The following ADARB1 variants were observed in gnomAD, a reference collection of about 807,000 sequenced individuals.
ADARB1 encodes the protein adenosine deaminase RNA specific B1, also known as double-stranded RNA-specific editase 1.
ADARB1 carries 10 observed loss-of-function variants against 52.4 expected under a neutral mutation model. The observed-to-expected ratio is 0.19, with a 90% CI of 0.12 to 0.32. The LOEUF (loss-of-function observed/expected upper bound fraction) is 0.32, where lower values mean the gene tolerates loss of function less well. Among genes scored for constraint, ADARB1 ranks in the 10% least tolerant of loss-of-function variants. The probability of loss-of-function intolerance (pLI) is 1.00; values close to 1 mark genes in which losing one functional copy is unlikely to be tolerated. For missense variants in ADARB1, 643 were observed against 922.3 expected, an observed-to-expected ratio of 0.70 and a Z score of 3.92; for synonymous variants, 349 against 371.1, an observed-to-expected ratio of 0.94 and a Z score of 0.68.
intron 1 of ADARB1, among the ~76,000 whole-genome samples, chr21:45,091,780 TG>T (rs1056506826): frequency 3.3e-5 from 5 of 152,166 alleles, no homozygotes; most frequent in African/African-American, 1.2e-4. Flanking sequence ...GGGGTTTCCC[TG>T]TAGGAGGAGG....
chr21:45,179,397 A>G (rs1387306763), intron 4 of ADARB1, among the ~76,000 whole-genome samples: 1 of 152,244 alleles, frequency 6.6e-6, no homozygotes, highest in East Asian at 1.9e-4. Context: ...GGGTTTTCCT[A>G]GTAGTCATTT....
chr21:45,212,431 A>T (rs1602018906), intron 9 of ADARB1, among the ~76,000 whole-genome samples: 1 of 152,080 alleles, frequency 6.6e-6, no homozygotes, highest in African/African-American at 2.4e-5. Flanking sequence ...AAGATGGATG[A>T]CCTCAGTTCC....
chr21:45,208,349 C>T lies in ADARB1; in HGVS notation c.1747+3613C>T, dbSNP rs79507936. ...TTTCATGTTGAATGTTGGCACGAAA[C>T]GTTAACAAACAAGGCTACATGATGG... On this transcript the variant is annotated intron_variant, in intron 9 of 10. Transcript: ENST00000348831. The surrounding 1 kb of genome is among the most constrained non-coding windows in gnomAD (Gnocchi z 5.6). Among the ~76,000 whole-genome samples the T allele has an allele frequency of 1.2e-3, 178 of 152,262 alleles. 1 individual carries two copies. In the East Asian group the frequency reaches 0.03, roughly 26 times the overall value.
At chr21:45,105,170 G>T (rs2087194139) in intron 1 of ADARB1, among the ~76,000 whole-genome samples, 1 of 152,068 alleles carries the variant, frequency 6.6e-6, no homozygotes, top group Admixed American at 6.5e-5. Flanking sequence ...GCATGATCTT[G>T]GCTCACCAAA....
chr21:45,165,563 T>C (rs1034756755), intron 2 of ADARB1, among the ~76,000 whole-genome samples: 8 of 152,218 alleles, frequency 5.3e-5, no homozygotes, highest in Non-Finnish European at 7.3e-5. Context: ...TTTGGAACAC[T>C]TCAGTGATAT....
intron 2 of ADARB1, among the ~76,000 whole-genome samples, chr21:45,134,090 G>C (rs542706690): frequency 9.6e-6 from 1 of 104,482 alleles, no homozygotes; most frequent in South Asian, 3.8e-4. Flanking sequence ...GTGTGTGCCC[G>C]ACAGTGGTGT....
chr21:45,183,327 T>A, intron 6 of ADARB1, 35 bp from the exon 7 acceptor site: 1 of 1,585,892 alleles, frequency 6.3e-7, no homozygotes, highest in Non-Finnish European at 8.6e-7. Flanking sequence ...TATATACAGC[T>A]TTAAATGTTA....
intron 1 of ADARB1, among the ~76,000 whole-genome samples, chr21:45,110,216 C>T (rs1569016789): frequency 1.3e-5 from 2 of 152,216 alleles, no homozygotes; most frequent in African/African-American, 4.8e-5. Flanking sequence ...AAACCATTTT[C>T]AGTCATGCTT....
At chr21:45,076,088 T>C (rs915046187) in intron 1 of ADARB1, among the ~76,000 whole-genome samples, 2 of 152,238 alleles carry the variant, frequency 1.3e-5, no homozygotes, top group Non-Finnish European at 2.9e-5. Context: ...CAGTTGTTTC[T>C]AGGAGATAGA....
chr21:45,134,277 GC>G, intron 2 of ADARB1, among the ~76,000 whole-genome samples: 1 of 98,670 alleles, frequency 1.0e-5, no homozygotes, highest in Admixed American at 9.7e-5. Flanking sequence ...AGTGGTGTGT[GC>G]ACCCGACGGG....
chr21:45,110,413 T>G (rs2087480377), intron 1 of ADARB1, among the ~76,000 whole-genome samples: 1 of 152,232 alleles, frequency 6.6e-6, no homozygotes, highest in Non-Finnish European at 1.5e-5. Flanking sequence ...AGTCTCTACC[T>G]GGGTGTGGTG....
chr21:45,222,637 C>T lies in ADARB1; in HGVS notation c.*440C>T. On this transcript the variant is annotated 3_prime_UTR_variant, in exon 11 of 11. Coordinates refer to ENST00000348831, the MANE Select transcript of ADARB1 (RefSeq NM_001112.4). ...TAATTGTGTCAGGTCACTTTTATGC[C>T]ACATTATTTTAATTGCAAAAAAGCA... 1 of 991,892 alleles carries T rather than the reference C, an allele frequency of 1.0e-6. No homozygotes were observed. The highest frequency in any genetic ancestry group is 1.2e-6 in the Non-Finnish European group (1 of 834,536). 61.4% of individuals were successfully genotyped at this position (991,892 alleles called of 1,614,324 possible).
Position 45,200,691 on chromosome 21 carries a change from A to C in ADARB1, c.1566-3864A>C, listed in dbSNP as rs2092535168. On this transcript the variant is annotated intron_variant, in intron 8 of 10. Transcript: ENST00000348831. The surrounding 1 kb of genome is among the most constrained non-coding windows in gnomAD (Gnocchi z 5.0). ...GCAGCTGCTTGAAGAACCCAGGGGC[A>C]TCTCTGGCTGGTCCTGGGTTGAAAG... Among the ~76,000 whole-genome samples the C allele has an allele frequency of 6.6e-6, 1 of 152,140 alleles. No individual in the cohort carries two copies. Among genetic ancestry groups the C allele is most frequent in the Admixed American group, 6.5e-5 (1 of 15,284 alleles).
chr21:45,149,072 G>A (rs889410260), intron 2 of ADARB1, among the ~76,000 whole-genome samples: 1 of 152,156 alleles, frequency 6.6e-6, no homozygotes, highest in Non-Finnish European at 1.5e-5. Flanking sequence ...GGTCTGGCCC[G>A]GCACAACCCT....
At chr21:45,077,631 C>T (rs2085994089) in intron 1 of ADARB1, among the ~76,000 whole-genome samples, 1 of 151,364 alleles carries the variant, frequency 6.6e-6, no homozygotes, top group African/African-American at 2.4e-5. Flanking sequence ...CGTGCCATTG[C>T]ACTCCAGCCT....
At chr21:45,120,816 C>T (rs561995935) in intron 1 of ADARB1, 10 of 152,222 alleles carry the variant, frequency 6.6e-5, no homozygotes, top group Admixed American at 6.5e-4. Flanking sequence ...TTGAGAACAG[C>T]GTGAGGTTTA....
At chr21:45,124,340 CCCT>C (rs576292105) in intron 1 of ADARB1, among the ~76,000 whole-genome samples, 76 of 152,118 alleles carry the variant, frequency 5.0e-4, no homozygotes, top group Non-Finnish European at 9.9e-4. Context: ...ATCCATCCCT[CCCT>C]CCCTGCATTC....
chr21:45,170,396 C>G (rs2091433377), intron 2 of ADARB1, among the ~76,000 whole-genome samples: 1 of 152,176 alleles, frequency 6.6e-6, no homozygotes, highest in South Asian at 2.1e-4. Flanking sequence ...GTAATAGATT[C>G]TCAGAAAATA....
At chr21:45,086,640 T>C (rs2086356800) in intron 1 of ADARB1, among the ~76,000 whole-genome samples, 1 of 152,232 alleles carries the variant, frequency 6.6e-6, no homozygotes, top group East Asian at 1.9e-4. Flanking sequence ...GGTTCATCCG[T>C]GTGTTGTAGA....
Sources: allele counts gnomAD v4.1 joint callset (sites outside exome capture counted in the v4.1 genomes callset), GRCh38; gene constraint gnomAD v4.1.1; non-coding constraint Gnocchi (gnomAD v3.1); transcripts MANE v1.5; gene names NCBI Gene and HGNC (gene_info 2026-07-23, HGNC 2026-07-21).